ANO4: variants seen among roughly 807,000 people sequenced by gnomAD.
ANO4 encodes anoctamin 4, also known as anoctamin-4.
ANO4 carries 69 observed loss-of-function variants against 141.9 expected under a neutral mutation model. That is an observed-to-expected ratio of 0.49 (90% CI 0.40 to 0.59). ANO4 has a LOEUF of 0.59. Among genes scored for constraint, ANO4 ranks in the 20% least tolerant of loss-of-function variants. The pLI, the probability that ANO4 is intolerant of heterozygous loss-of-function variation, is 0.00. For synonymous variants in ANO4, 350 were observed against 394.3 expected (o/e 0.89, Z 1.33); for missense variants, 894 against 1,162.2 (o/e 0.77, Z 3.36).
chr12:101,030,891 G>C (rs748038013), intron 9 of ANO4, among the ~76,000 whole-genome samples: 1 of 152,182 alleles, frequency 6.6e-6, no homozygotes, highest in East Asian at 1.9e-4. Flanking sequence ...CCAGGAAGAA[G>C]TTGAATCCCT....
At chr12:100,903,833 C>A (rs2040713091) in intron 2 of ANO4, among the ~76,000 whole-genome samples, 1 of 152,212 alleles carries the variant, frequency 6.6e-6, no homozygotes, top group Non-Finnish European at 1.5e-5. Context: ...AAAACACCTT[C>A]ATTGCAGCAC....
chr12:100,924,992 A>T (rs2136114031), intron 3 of ANO4, among the ~76,000 whole-genome samples: 1 of 152,268 alleles, frequency 6.6e-6, no homozygotes, highest in South Asian at 2.1e-4. Flanking sequence ...AGTACTTAAC[A>T]GAAGAAAAAG....
chr12:100,838,190 A>G (rs947349464), intron 1 of ANO4, among the ~76,000 whole-genome samples: 1 of 145,140 alleles, frequency 6.9e-6, no homozygotes, highest in Non-Finnish European at 1.5e-5. Context: ...AGATCGCTTC[A>G]TTACACTCCA....
rs1362859849 is a variant in ANO4 at position 101,008,432 on chromosome 12, G to A, written c.735-11602G>A. ...CAGAATCTATTACTTCCCCCATAGA[G>A]AATAAGAATTTGCTGTTTGTTTCTT... On this transcript the variant is annotated intron_variant, in intron 8 of 27. Coordinates refer to ENST00000392977, the MANE Select transcript of ANO4 (RefSeq NM_001286615.2). 2.0e-5 allele frequency among the ~76,000 whole-genome samples: 3 copies of A among 152,056 alleles called. No homozygotes were observed. The East Asian group carries it at 5.8e-4, about 29-fold the overall frequency.
intron 1 of ANO4, among the ~76,000 whole-genome samples, chr12:100,800,545 T>C (rs1040431839): frequency 7.2e-5 from 11 of 152,266 alleles, no homozygotes; most frequent in African/African-American, 2.7e-4. Context: ...TGGTGACATA[T>C]ATCTTCCAAT....
At chr12:100,778,599 CAGAAGATCCAA>C (rs1277673838) in intron 3 of ANO4, among the ~76,000 whole-genome samples, 1 of 152,130 alleles carries the variant, frequency 6.6e-6, no homozygotes, top group Non-Finnish European at 1.5e-5. Flanking sequence ...GAACACTAGA[CAGAAGATCCAA>C]AGATCTGGGT....
chr12:100,898,400 C>T (rs1207773391), intron 1 of ANO4, among the ~76,000 whole-genome samples: 1 of 152,134 alleles, frequency 6.6e-6, no homozygotes, highest in African/African-American at 2.4e-5. Flanking sequence ...GTGAGGAGAG[C>T]TCTTTTAGGC....
In ANO4 at chr12:101,116,521, G is replaced by A. The variant is rs140304881; in HGVS notation, c.2451-158G>A. 5.6e-4 allele frequency among the ~76,000 whole-genome samples: 86 copies of A among 152,220 alleles called. 1 individual carries two copies. Among genetic ancestry groups the A allele is most frequent in the African/African-American group, 2.0e-3 (84 of 41,528 alleles). Reference sequence around the variant, plus strand: ...CTTGTTCCTGATTCAACATGCCCAGGGCTTTCCAGCGTATCCCAACCTGAG... The same window carrying A: ...CTTGTTCCTGATTCAACATGCCCAGAGCTTTCCAGCGTATCCCAACCTGAG... On this transcript the variant is annotated intron_variant, in intron 24 of 27. Coordinates refer to ENST00000392977, the MANE Select transcript of ANO4 (RefSeq NM_001286615.2).
In ANO4 at chr12:100,939,405, T is replaced by C. The variant is rs753969335; in HGVS notation, c.251T>C (p.Leu84Pro). 1.2e-6 allele frequency: 2 copies of C among 1,613,790 alleles called. No homozygotes were observed. Among genetic ancestry groups the C allele is most frequent in the Admixed American group, 3.3e-5 (2 of 60,010 alleles). Residue 84 changes from leucine (L) to proline (P), a missense_variant, in exon 4 of 28, where the codon CTG becomes CCG. Coordinates refer to ENST00000392977, the MANE Select transcript of ANO4 (RefSeq NM_001286615.2). ...DDDSLLHPGN[L>P]TSTSDDASRL... ...GATTCTCTTCTTCACCCTGGAAACC[T>C]GACTAGTACTTCAGATGATGCCAGC...
At chr12:100,971,855 TAAA>T (rs35743193) in intron 6 of ANO4, among the ~76,000 whole-genome samples, 1 of 148,180 alleles carries the variant, frequency 6.7e-6, no homozygotes, top group Non-Finnish European at 1.5e-5. Context: ...ATCTTCTTTT[TAAA>T]AAAAAAACAA....
chr12:100,781,436 A>G (rs920365000), intron 3 of ANO4, among the ~76,000 whole-genome samples: 11 of 152,146 alleles, frequency 7.2e-5, no homozygotes, highest in African/African-American at 2.7e-4. Flanking sequence ...TACATGCTGT[A>G]TCAGTGAGGT....
At chr12:100,828,241 C>T (rs889564254) in intron 1 of ANO4, among the ~76,000 whole-genome samples, 1 of 151,860 alleles carries the variant, frequency 6.6e-6, no homozygotes, top group African/African-American at 2.4e-5. Flanking sequence ...TCCATTCCTC[C>T]TTTTTTCAGC....
chr12:100,869,533 G>A (rs1474810819), intron 1 of ANO4, among the ~76,000 whole-genome samples: 3 of 152,288 alleles, frequency 2.0e-5, no homozygotes, highest in South Asian at 2.1e-4. Flanking sequence ...CCAGTTATCA[G>A]GGTCACATTC....
intron 1 of ANO4, among the ~76,000 whole-genome samples, chr12:100,877,704 TG>T (rs148015260): frequency 0.11 from 16,408 of 152,168 alleles, 1,025 homozygotes; most frequent in South Asian, 0.17. Flanking sequence ...CGTCGAGTGA[TG>T]TTTTTTTCTC....
chr12:100,825,496 G>A (rs2036282408), intron 1 of ANO4, among the ~76,000 whole-genome samples: 2 of 152,122 alleles, frequency 1.3e-5, no homozygotes, highest in South Asian at 4.1e-4. Flanking sequence ...GCACCACACT[G>A]CCTCATGTCA....
At chr12:101,111,518 C>T in intron 23 of ANO4, 45 bp from the exon 24 acceptor site, 1 of 1,469,194 alleles carries the variant, frequency 6.8e-7, no homozygotes, top group Non-Finnish European at 9.1e-7. Context: ...TAATTATCAC[C>T]TCTGTTTTGT....
At chr12:100,925,242 A>G (rs1170272423) in intron 3 of ANO4, among the ~76,000 whole-genome samples, 3 of 152,054 alleles carry the variant, frequency 2.0e-5, no homozygotes, top group Non-Finnish European at 2.9e-5. Context: ...CAAGCATAAA[A>G]ATAGGTAGCT....
chr12:100,942,530 A>G lies in ANO4; in HGVS notation c.451A>G (p.Lys151Glu). The change falls in exon 5 of 28, where the codon AAA becomes GAA. Residue 151 changes from lysine to glutamate, a missense_variant. Transcript: ENST00000392977. ...NIRAEGLQME[K>E]ESSLINSDII... Reference sequence around the variant, plus strand: ...TAGAGCAGAAGGATTGCAAATGGAGAAAGAGGTAAATAGTTTGCTTGGATG... The same window carrying G: ...TAGAGCAGAAGGATTGCAAATGGAGGAAGAGGTAAATAGTTTGCTTGGATG... The G allele has an allele frequency of 6.2e-7, 1 of 1,612,938 alleles. No homozygotes were observed. The highest frequency in any genetic ancestry group is 8.5e-7 in the Non-Finnish European group (1 of 1,179,678).
At chr12:101,074,427 A>G (rs1415489152) in intron 14 of ANO4, among the ~76,000 whole-genome samples, 2 of 152,340 alleles carry the variant, frequency 1.3e-5, no homozygotes, top group Non-Finnish European at 2.9e-5. Context: ...AGAAGTCAAC[A>G]GGCAAGTACT....
Sources: allele counts gnomAD v4.1 joint callset (sites outside exome capture counted in the v4.1 genomes callset), GRCh38; gene constraint gnomAD v4.1.1; transcripts MANE v1.5; gene names NCBI Gene and HGNC (gene_info 2026-07-23, HGNC 2026-07-21).